The following FAM120A variants were observed in gnomAD, a reference collection of about 807,000 sequenced individuals.
The protein encoded by FAM120A is constitutive coactivator of PPAR-gamma-like protein 1.
FAM120A carries 15 observed loss-of-function variants against 109.7 expected under a neutral mutation model. That is an observed-to-expected ratio of 0.14 (90% CI 0.09 to 0.21). FAM120A has a LOEUF of 0.21. Ranked by LOEUF, FAM120A falls within the 10% of genes least tolerant of loss-of-function variation. The probability of loss-of-function intolerance (pLI) is 1.00; values close to 1 mark genes in which losing one functional copy is unlikely to be tolerated. For missense variants in FAM120A, 899 were observed against 1,439.3 expected (o/e 0.62, Z 6.07); for synonymous variants, 493 against 572.8 (o/e 0.86, Z 1.99).
chr9:93,558,001 G>C lies in FAM120A; in HGVS notation c.2659G>C (p.Gly887Arg), dbSNP rs1192929844. Reference sequence around the variant, plus strand: ...CCCACCCTCTCAGGGCAGGGGCAGAGGCTTTGCAGGTGAGTTGATTGGGAC... The same window carrying C: ...CCCACCCTCTCAGGGCAGGGGCAGACGCTTTGCAGGTGAGTTGATTGGGAC... ...PVPPSQGRGR[G>R]FAGVCGFGGP... Residue 887 changes from glycine to arginine, a missense_variant, in exon 14 of 18, where the codon GGC (glycine) becomes CGC (arginine). Coordinates refer to ENST00000277165, the MANE Select transcript of FAM120A (RefSeq NM_014612.5). 3 of 1,592,348 alleles carry C rather than the reference G, an allele frequency of 1.9e-6. No individual in the cohort carries two copies. The highest frequency in any genetic ancestry group is 2.6e-6 in the Non-Finnish European group (3 of 1,176,014).
intron 1 of FAM120A, among the ~76,000 whole-genome samples, chr9:93,457,402 C>T (rs555475490): frequency 6.6e-6 from 1 of 151,704 alleles, no homozygotes; most frequent in Non-Finnish European, 1.5e-5. Flanking sequence ...TCCATTTTTT[C>T]ACATTAATGT....
chr9:93,507,024 T>G (rs1451454757), intron 5 of FAM120A, among the ~76,000 whole-genome samples: 1 of 152,176 alleles, frequency 6.6e-6, no homozygotes, highest in Admixed American at 6.5e-5. Flanking sequence ...TTTTCCATGT[T>G]AAAGAAATAT....
chr9:93,522,424 C>A (rs12377707), intron 7 of FAM120A, among the ~76,000 whole-genome samples: 3 of 151,978 alleles, frequency 2.0e-5, no homozygotes, highest in African/African-American at 7.2e-5. Flanking sequence ...GGGAGAGTAA[C>A]TTGCCCTTTT....
intron 1 of FAM120A, among the ~76,000 whole-genome samples, chr9:93,461,619 T>G (rs545720693): frequency 8.5e-5 from 13 of 152,188 alleles, no homozygotes; most frequent in Non-Finnish European, 1.5e-4. Context: ...CTTTTATCAT[T>G]GTATTTTTTT....
chr9:93,536,239 C>T (rs535762127), intron 10 of FAM120A, among the ~76,000 whole-genome samples: 2 of 152,216 alleles, frequency 1.3e-5, no homozygotes, highest in Non-Finnish European at 2.9e-5. Flanking sequence ...GAAGAAGATC[C>T]ATAAGCCAAA....
intron 12 of FAM120A, among the ~76,000 whole-genome samples, chr9:93,552,777 G>A (rs1236430542): frequency 1.3e-5 from 2 of 152,174 alleles, no homozygotes; most frequent in Non-Finnish European, 2.9e-5. Context: ...GTGCTTTGTT[G>A]TAATACACCA....
rs182071209 is a variant in FAM120A at position 93,461,661 on chromosome 9, T to C, written c.474+9272T>C. 2.0e-3 allele frequency among the ~76,000 whole-genome samples: 304 copies of C among 152,278 alleles called. 8 individuals are homozygous for C. The South Asian group carries it at 0.032, about 16-fold the overall frequency. ...AAAGTTTGTAAAGTTTAATTTGCAT[T>C]TCTTTTATGACATCACTCCTTTATT... On this transcript the variant is annotated intron_variant, in intron 1 of 17. Transcript: ENST00000277165.
rs768848246 is a variant in FAM120A, at chr9:93,557,926, G to A, written c.2584G>A (p.Ala862Thr). The A allele has an allele frequency of 6.2e-7, 1 of 1,610,148 alleles. No homozygotes were observed. Among genetic ancestry groups the A allele is most frequent in the Admixed American group, 1.7e-5 (1 of 59,986 alleles). Residue 862 changes from alanine (A) to threonine (T), a missense_variant, in exon 14 of 18, where the codon GCC becomes ACC. Transcript: ENST00000277165. ...CACGCTCCCTTTCCCGCCGCCACCT[G>A]CCCTGCCCTTCTACCCTGCCTCTGC... ...SHTLPFPPPP[A>T]LPFYPASAYP... is the part of the protein sequence containing the mutation.
At chr9:93,503,369 T>C (rs1234781268) in intron 5 of FAM120A, among the ~76,000 whole-genome samples, 1 of 152,190 alleles carries the variant, frequency 6.6e-6, no homozygotes, top group East Asian at 1.9e-4. Context: ...AAATAAAGTT[T>C]GGTGTATCTA....
At chr9:93,490,550 G>A (rs959084091) in intron 3 of FAM120A, among the ~76,000 whole-genome samples, 1 of 152,114 alleles carries the variant, frequency 6.6e-6, no homozygotes, top group African/African-American at 2.4e-5. Flanking sequence ...TTAACAGTTG[G>A]AATATTACAT....
At chr9:93,469,046 C>T (rs1167009080) in intron 1 of FAM120A, among the ~76,000 whole-genome samples, 1 of 152,236 alleles carries the variant, frequency 6.6e-6, no homozygotes, top group Non-Finnish European at 1.5e-5. Context: ...CTTTCTAGGT[C>T]CCCTGCCCAT....
At chr9:93,548,151 G>A (rs1861959353) in intron 11 of FAM120A, among the ~76,000 whole-genome samples, 1 of 152,074 alleles carries the variant, frequency 6.6e-6, no homozygotes, top group South Asian at 2.1e-4. Context: ...TGTTGCCCAG[G>A]CTGGAGTGCA....
At chr9:93,547,885 T>C (rs766249168) in intron 11 of FAM120A, among the ~76,000 whole-genome samples, 2 of 152,172 alleles carry the variant, frequency 1.3e-5, no homozygotes, top group Admixed American at 6.5e-5. Flanking sequence ...TAGTAATTCA[T>C]ACTCTGTATC....
intron 5 of FAM120A, among the ~76,000 whole-genome samples, chr9:93,499,543 C>T (rs1859712872): frequency 6.6e-6 from 1 of 152,190 alleles, no homozygotes; most frequent in Non-Finnish European, 1.5e-5. Flanking sequence ...CCATCTCAGC[C>T]TCCCAAAATG....
At chr9:93,491,978 C>G (rs916664815) in intron 3 of FAM120A, among the ~76,000 whole-genome samples, 3 of 152,282 alleles carry the variant, frequency 2.0e-5, no homozygotes, top group Admixed American at 2.0e-4. Context: ...TAGGCAAGGG[C>G]AAATTACTTT....
chr9:93,511,628 CTGTT>C (rs1432555475), intron 5 of FAM120A, among the ~76,000 whole-genome samples: 3 of 152,176 alleles, frequency 2.0e-5, no homozygotes, highest in Non-Finnish European at 4.4e-5. Flanking sequence ...GTAAACATGT[CTGTT>C]TGCACATGCT....
chr9:93,483,259 A>G (rs910586688), intron 3 of FAM120A, among the ~76,000 whole-genome samples: 3 of 152,258 alleles, frequency 2.0e-5, no homozygotes, highest in East Asian at 1.9e-4. Context: ...AAGTCGTTAT[A>G]TTATAATAGT....
chr9:93,509,198 G>A (rs1353398023), intron 5 of FAM120A, among the ~76,000 whole-genome samples: 1 of 152,268 alleles, frequency 6.6e-6, no homozygotes, highest in African/African-American at 2.4e-5. Flanking sequence ...GGCCCACACT[G>A]CCCCAGGCCA....
chr9:93,549,428 A>C (rs1053853957), intron 11 of FAM120A, among the ~76,000 whole-genome samples: 1 of 152,234 alleles, frequency 6.6e-6, no homozygotes, highest in African/African-American at 2.4e-5. Context: ...ATGCCTTGGC[A>C]CCTAGTGAGC....
Sources: gnomAD v4.1 joint callset for allele counts (sites outside exome capture counted in the v4.1 genomes callset) on GRCh38, gnomAD v4.1.1 for gene constraint, MANE v1.5 for transcripts, NCBI Gene and HGNC (gene_info 2026-07-23, HGNC 2026-07-21) for gene names.